Variants in EGFLAM observed in about 807,000 individuals in gnomAD.
EGFLAM encodes the protein EGF like, fibronectin type III and laminin G domains, also known as pikachurin.
EGFLAM carries 79 observed loss-of-function variants against 113.1 expected under a neutral mutation model. The observed-to-expected ratio is 0.70, with a 90% confidence interval of 0.58 to 0.84. The LOEUF is 0.84. Ranked by LOEUF, EGFLAM falls within the 40% of genes least tolerant of loss-of-function variation. The pLI, the probability that EGFLAM is intolerant of heterozygous loss-of-function variation, is 0.00. For missense variants in EGFLAM, 1,265 were observed against 1,291.6 expected, an observed-to-expected ratio of 0.98 and a Z score of 0.32; for synonymous variants, 504 against 487.6, an observed-to-expected ratio of 1.03 and a Z score of -0.44.
intron 19 of EGFLAM, among the ~76,000 whole-genome samples, chr5:38,456,773 C>T (rs543506761): frequency 2.0e-5 from 3 of 152,176 alleles, no homozygotes; most frequent in Non-Finnish European, 4.4e-5. Flanking sequence ...CTCGACATCC[C>T]TCTCTCTTGG....
At chr5:38,454,632 C>T (rs965174659) in intron 19 of EGFLAM, among the ~76,000 whole-genome samples, 1 of 152,164 alleles carries the variant, frequency 6.6e-6, no homozygotes, top group Non-Finnish European at 1.5e-5. Context: ...AAGTCACGGG[C>T]CCTGCGCCCA....
chr5:38,339,151 C>G (rs557864080), intron 3 of EGFLAM, among the ~76,000 whole-genome samples: 8 of 152,044 alleles, frequency 5.3e-5, no homozygotes, highest in African/African-American at 1.9e-4. Context: ...TTGTATCTTC[C>G]CAGCTGCCTG....
chr5:38,337,628 CTG>C lies in EGFLAM; in HGVS notation c.207+2_207+3del. 1 of 1,595,490 alleles carries C rather than the reference CTG, an allele frequency of 6.3e-7. No individual in the cohort carries two copies. Among genetic ancestry groups the C allele is most frequent in the African/African-American group, 1.3e-5 (1 of 74,718 alleles). On this transcript the variant is annotated splice_donor_variant and coding_sequence_variant, in exon 2 of 22. Transcript: ENST00000322350. LOFTEE classifies it high-confidence loss of function. ...CCTGGAAGTCCCATCCTTGGGTACA[CTG>C]TGAGTACACGGGCATGGGAGTTTCC...
At chr5:38,439,477 T>G (rs1441747732) in intron 17 of EGFLAM, among the ~76,000 whole-genome samples, 3 of 152,312 alleles carry the variant, frequency 2.0e-5, no homozygotes, top group African/African-American at 7.2e-5. Flanking sequence ...TTGTTGATTT[T>G]TATCAGAATT....
intron 11 of EGFLAM, among the ~76,000 whole-genome samples, chr5:38,417,364 AAAAAAC>A (rs1561080175): frequency 6.7e-6 from 1 of 148,836 alleles, no homozygotes; most frequent in African/African-American, 2.5e-5. Flanking sequence ...AAAAAAAAAA[AAAAAAC>A]AAAAAAAAAA....
chr5:38,432,732 G>A (rs866166031), intron 15 of EGFLAM, among the ~76,000 whole-genome samples: 3 of 152,086 alleles, frequency 2.0e-5, no homozygotes, highest in Non-Finnish European at 2.9e-5. Flanking sequence ...GCTGAGGATG[G>A]GAACATTTGT....
At chr5:38,408,333 A>T (rs1303458800) in intron 9 of EGFLAM, among the ~76,000 whole-genome samples, 1 of 152,236 alleles carries the variant, frequency 6.6e-6, no homozygotes, top group African/African-American at 2.4e-5. Flanking sequence ...TCTTTACGCA[A>T]GCCTTGCTTC....
chr5:38,370,451 T>C lies in EGFLAM; in HGVS notation c.701T>C (p.Ile234Thr), dbSNP rs1740177752. Residue 234 changes from isoleucine (I) to threonine (T), a missense_variant, in exon 6 of 22, where the codon ATC (isoleucine) becomes ACC (threonine). Physicochemically the swap from Ile to Thr is moderately conservative, Grantham distance 89. Transcript: ENST00000322350. ...CCCCGCAGCTGGCCCAGTGACATCA[T>C]CCGGACCCTCTGTGAGTACCAGGGT... ...PSPRSWPSDIIRTLCPEEAGS... is the reference protein window; with the variant it reads ...PSPRSWPSDITRTLCPEEAGS... 6 of 1,613,870 alleles carry C rather than the reference T, an allele frequency of 3.7e-6. No homozygotes were observed. The highest frequency in any genetic ancestry group is 5.1e-6 in the Non-Finnish European group (6 of 1,179,952).
chr5:38,464,189 C>A lies in EGFLAM; in HGVS notation c.*203C>A. 1 of 613,454 alleles carries A rather than the reference C, an allele frequency of 1.6e-6. No individual in the cohort carries two copies. The highest frequency in any genetic ancestry group is 2.8e-6 in the Non-Finnish European group (1 of 360,138). The allele number at this position is 613,454 out of a possible 1,614,324, so 38.0% of individuals were successfully genotyped here. A position where few individuals can be genotyped will look rare whatever the true frequency, so the allele number is the denominator to read the frequency against. Reference sequence around the variant, plus strand: ...TCCTGCTGACACTCCACGAGCTGACCCAGCAGAATTCTCTGTGTAGGAAGC... The same window carrying A: ...TCCTGCTGACACTCCACGAGCTGACACAGCAGAATTCTCTGTGTAGGAAGC... On this transcript the variant is annotated 3_prime_UTR_variant, in exon 22 of 22. Coordinates refer to ENST00000322350, the MANE Select transcript of EGFLAM (RefSeq NM_152403.4).
intron 6 of EGFLAM, among the ~76,000 whole-genome samples, chr5:38,391,657 A>G (rs1332813631): frequency 6.6e-6 from 1 of 152,046 alleles, no homozygotes; most frequent in Admixed American, 6.6e-5. Flanking sequence ...TCGGCCTCCC[A>G]AAGTGCTAGG....
intron 1 of EGFLAM, among the ~76,000 whole-genome samples, chr5:38,315,125 A>G (rs1347961399): frequency 6.6e-6 from 1 of 152,236 alleles, no homozygotes; most frequent in Non-Finnish European, 1.5e-5. Flanking sequence ...AAGAAGGTGC[A>G]TCCAGGATGA....
chr5:38,336,069 G>A (rs1045356269), intron 1 of EGFLAM, among the ~76,000 whole-genome samples: 28 of 152,062 alleles, frequency 1.8e-4, no homozygotes, highest in African/African-American at 6.3e-4. Context: ...AAAATATTGG[G>A]AATAAATTGC....
chr5:38,265,633 G>A (rs1167540284), intron 1 of EGFLAM, among the ~76,000 whole-genome samples: 1 of 152,242 alleles, frequency 6.6e-6, no homozygotes, highest in African/African-American at 2.4e-5. Context: ...ACCCCAGGGT[G>A]TAGCTTCAGC....
chr5:38,340,929 T>C (rs1245059884), intron 3 of EGFLAM, among the ~76,000 whole-genome samples: 1 of 151,948 alleles, frequency 6.6e-6, no homozygotes, highest in Non-Finnish European at 1.5e-5. Context: ...ATAAAGGCAG[T>C]GATTCAGCAA....
chr5:38,425,014 G>A lies in EGFLAM; in HGVS notation c.1732G>A (p.Gly578Ser), dbSNP rs756708114. ...ICDEASCIHG[G>S]TCTAIKADSY... ...TGATGAGGCCTCGTGCATCCATGGT[G>A]GCACCTGCACAGCAATCAAAGCCGA... The change falls in exon 13 of 22, where the codon GGC (glycine) becomes AGC (serine). Residue 578 changes from glycine (G) to serine (S), a missense_variant. Coordinates refer to ENST00000322350, the MANE Select transcript of EGFLAM (RefSeq NM_152403.4). 4 of 1,614,050 alleles carry A rather than the reference G, an allele frequency of 2.5e-6. No individual in the cohort carries two copies. In the African/African-American group the frequency reaches 4.0e-5, roughly 16 times the overall value.
At chr5:38,456,469 T>C (rs982825230) in intron 19 of EGFLAM, among the ~76,000 whole-genome samples, 1 of 152,136 alleles carries the variant, frequency 6.6e-6, no homozygotes, top group African/African-American at 2.4e-5. Context: ...AATCATGAAA[T>C]CTCAAAATTC....
At chr5:38,435,016 A>T in intron 15 of EGFLAM, 121 bp from the exon 16 acceptor site, 2 of 740,322 alleles carry the variant, frequency 2.7e-6, no homozygotes, top group Non-Finnish European at 4.6e-6. Flanking sequence ...ACAGATTGTC[A>T]TGATGGGTCT....
At chr5:38,361,616 G>T (rs1397627772) in intron 5 of EGFLAM, among the ~76,000 whole-genome samples, 2 of 149,460 alleles carry the variant, frequency 1.3e-5, no homozygotes, top group African/African-American at 4.9e-5. Flanking sequence ...GATAGCTGAT[G>T]AACTTAAAAA....
intron 5 of EGFLAM, among the ~76,000 whole-genome samples, chr5:38,367,737 T>C (rs180871607): frequency 1.3e-5 from 2 of 152,334 alleles, no homozygotes; most frequent in East Asian, 1.9e-4. Flanking sequence ...TGGAGGATGA[T>C]TTAAGACAAT....
Sources: gnomAD v4.1 joint callset for allele counts (sites outside exome capture counted in the v4.1 genomes callset) on GRCh38, gnomAD v4.1.1 for gene constraint, MANE v1.5 for transcripts, NCBI Gene and HGNC (gene_info 2026-07-23, HGNC 2026-07-21) for gene names.